Variants in SOD2 observed in about 807,000 individuals in gnomAD.
SOD2 encodes the protein superoxide dismutase 2.
A neutral mutation model predicts 27.0 loss-of-function variants in SOD2; 11 were observed. That is an observed-to-expected ratio of 0.41 (90% confidence interval 0.26 to 0.67). The LOEUF is 0.67. Ranked by LOEUF, SOD2 falls within the 30% of genes least tolerant of loss-of-function variation. SOD2 has a pLI of 0.34. For synonymous variants in SOD2, 105 were observed against 103.0 expected (o/e 1.02, Z -0.12); for missense variants, 250 against 274.5 (o/e 0.91, Z 0.63).
chr6:159,727,113 C>A, intron 1 of SOD2: 1 of 1,193,846 alleles, frequency 8.4e-7, no homozygotes, highest in Non-Finnish European at 1.1e-6. Flanking sequence ...CCCCTCCCCT[C>A]GGCCGCTTCC....
At chr6:159,706,078 G>T (rs1204691089) in intron 1 of SOD2, among the ~76,000 whole-genome samples, 1 of 150,414 alleles carries the variant, frequency 6.6e-6, no homozygotes, top group Non-Finnish European at 1.5e-5. Flanking sequence ...GAGAGATTTT[G>T]TCACCACCAG....
At chr6:159,751,145 TAATTA>T (rs1025461086) in intron 1 of SOD2, among the ~76,000 whole-genome samples, 7 of 152,388 alleles carry the variant, frequency 4.6e-5, no homozygotes, top group African/African-American at 7.2e-5. Context: ...CAACTACTTG[TAATTA>T]AATTATTTTT....
chr6:159,683,516 GCTCT>G (rs1159802086), intron 4 of SOD2, among the ~76,000 whole-genome samples: 1 of 152,060 alleles, frequency 6.6e-6, no homozygotes, highest in African/African-American at 2.4e-5. Context: ...ATAAATTATA[GCTCT>G]CTCTACAAAA....
At chr6:159,750,467 G>A (rs1779777874) in intron 1 of SOD2, among the ~76,000 whole-genome samples, 1 of 152,208 alleles carries the variant, frequency 6.6e-6, no homozygotes, top group South Asian at 2.1e-4. Flanking sequence ...ACTCCCGGAT[G>A]TGACCTTGAC....
intron 1 of SOD2, chr6:159,726,821 A>T: frequency 7.8e-7 from 1 of 1,289,188 alleles, no homozygotes; most frequent in Non-Finnish European, 1.0e-6. Context: ...ATGAGAGGGA[A>T]GGCATCGGTT....
intron 1 of SOD2, chr6:159,726,956 T>C (rs1280480659): frequency 7.8e-6 from 10 of 1,286,006 alleles, no homozygotes; most frequent in Admixed American, 2.3e-5. Context: ...CGGATGAGCG[T>C]CACGAACACA....
At chr6:159,688,866 T>C (rs1267116556) in intron 2 of SOD2, among the ~76,000 whole-genome samples, 2 of 151,920 alleles carry the variant, frequency 1.3e-5, no homozygotes, top group African/African-American at 4.8e-5. Flanking sequence ...ATACATCCAA[T>C]CTATATAAAA....
chr6:159,742,061 A>C, intron 1 of SOD2: 1 of 1,519,364 alleles, frequency 6.6e-7, no homozygotes, highest in Admixed American at 1.9e-5. Flanking sequence ...TATCGTAACA[A>C]CTAATGTATG....
At chr6:159,726,883 G>A (rs938882357) in intron 1 of SOD2, 13 of 1,289,190 alleles carry the variant, frequency 1.0e-5, no homozygotes, top group South Asian at 8.6e-5. Flanking sequence ...AAACGCCCGC[G>A]GCTCGCCGCC....
chr6:159,738,223 T>G (rs1275009665), intron 1 of SOD2, among the ~76,000 whole-genome samples: 1 of 152,244 alleles, frequency 6.6e-6, no homozygotes, highest in Non-Finnish European at 1.5e-5. Flanking sequence ...GTTATTCTTT[T>G]ATAGCCACAT....
At position 159,738,843 on chromosome 6, in the gene SOD2, AC is replaced by A. The variant is rs972063985; in HGVS notation, c.-116+6286del. 86 of 508,336 alleles carry A rather than the reference AC, an allele frequency of 1.7e-4. 1 individual carries two copies. Among genetic ancestry groups the A allele is most frequent in the African/African-American group, 1.6e-3 (80 of 50,244 alleles). 31.5% of individuals were successfully genotyped at this position (508,336 alleles called of 1,614,324 possible). A position where few individuals can be genotyped will look rare whatever the true frequency, so the allele number is the denominator to read the frequency against. ...AAATAGTTTACCTTAAAAAAAAAAA[AC>A]TTTTGTAATAAAATACTTTTTCAAA... On this transcript the variant is annotated intron_variant, in intron 1 of 3. Transcript: ENST00000537657.
intron 1 of SOD2, chr6:159,739,060 G>A (rs753532036): frequency 6.2e-7 from 1 of 1,603,016 alleles, no homozygotes; most frequent in South Asian, 1.1e-5. Context: ...AATGTTCTCT[G>A]TTCAAAAACA....
chr6:159,753,680 C>G lies in SOD2; in HGVS notation c.-335-5004G>C, dbSNP rs1583109477. The stretch of plus-strand genomic sequence containing the variant: ...GCATTGGCTTTTTAAAACTGCCAGT[C>G]ATGAATATTATAGGTTAGATTCTGT... On this transcript the variant is annotated intron_variant, in intron 1 of 7. Coordinates refer to the SOD2 transcript ENST00000546087. 3 of 1,523,620 alleles carry G rather than the reference C, an allele frequency of 2.0e-6. No individual in the cohort carries two copies. The East Asian group carries it at 6.8e-5, about 34-fold the overall frequency. The allele number at this position is 1,523,620 out of a possible 1,614,324, so 94.4% of individuals were successfully genotyped here.
chr6:159,717,923 GTGTGTATA>G (rs1198962791), intron 1 of SOD2, among the ~76,000 whole-genome samples: 1 of 131,376 alleles, frequency 7.6e-6, no homozygotes, highest in Non-Finnish European at 1.7e-5. Context: ...GTGTGTGTGT[GTGTGTATA>G]TGTGTATATA....
intron 1 of SOD2, among the ~76,000 whole-genome samples, chr6:159,722,484 A>C (rs2114840169): frequency 6.6e-6 from 1 of 152,254 alleles, no homozygotes; most frequent in East Asian, 1.9e-4. Flanking sequence ...GACACTACCA[A>C]TGATGGAAAA....
At chr6:159,709,395 A>G (rs1200603117) in intron 1 of SOD2, among the ~76,000 whole-genome samples, 1 of 152,206 alleles carries the variant, frequency 6.6e-6, no homozygotes, top group Non-Finnish European at 1.5e-5. Context: ...TCCAGAATCT[A>G]CAAAGAACTC....
At chr6:159,735,606 AG>A (rs1403477386) in intron 1 of SOD2, among the ~76,000 whole-genome samples, 1 of 152,002 alleles carries the variant, frequency 6.6e-6, no homozygotes, top group Non-Finnish European at 1.5e-5. Flanking sequence ...AAAATGAGCC[AG>A]GTGTGGTGGC....
intron 1 of SOD2, among the ~76,000 whole-genome samples, chr6:159,710,744 AACC>A (rs1777721614): frequency 1.3e-5 from 2 of 150,668 alleles, no homozygotes; most frequent in South Asian, 4.2e-4. Flanking sequence ...TGACCACCAT[AACC>A]ACCACTCATA....
intron 1 of SOD2, among the ~76,000 whole-genome samples, chr6:159,699,237 T>A (rs1164079124): frequency 6.6e-6 from 1 of 152,182 alleles, no homozygotes; most frequent in Non-Finnish European, 1.5e-5. Context: ...ACGACTCTGG[T>A]CATCACTCTT....
Sources: gnomAD v4.1 joint callset for allele counts (sites outside exome capture counted in the v4.1 genomes callset) on GRCh38, gnomAD v4.1.1 for gene constraint, MANE v1.5 for transcripts, NCBI Gene and HGNC (gene_info 2026-07-23, HGNC 2026-07-21) for gene names.